The following TENM4 variants were observed in gnomAD, a reference collection of about 807,000 sequenced individuals.
TENM4 encodes the protein teneurin-4.
A neutral mutation model predicts 243.3 loss-of-function variants in TENM4; 82 were observed. The observed-to-expected ratio is 0.34, with a 90% CI of 0.28 to 0.40. The LOEUF (loss-of-function observed/expected upper bound fraction) is 0.40, where lower values mean the gene tolerates loss of function less well. TENM4 is among the 10% of genes least tolerant of loss of function. The pLI is 1.00. For missense variants in TENM4, 3,138 were observed against 3,673.3 expected (o/e 0.85, Z 3.77); for synonymous variants, 1,412 against 1,456.3 (o/e 0.97, Z 0.69).
chr11:79,273,631 G>C (rs570223763), intron 2 of TENM4, among the ~76,000 whole-genome samples: 1 of 152,162 alleles, frequency 6.6e-6, no homozygotes, highest in Non-Finnish European at 1.5e-5. Flanking sequence ...GCTAGTACAC[G>C]GTGGAGCCGG....
chr11:78,990,079 G>T (rs1452340093), intron 6 of TENM4, among the ~76,000 whole-genome samples: 1 of 147,562 alleles, frequency 6.8e-6, no homozygotes, highest in Non-Finnish European at 1.5e-5. Flanking sequence ...AAAAAAAAAA[G>T]ATGATTTGGC....
At chr11:79,236,236 A>C (rs1864469174) in intron 2 of TENM4, among the ~76,000 whole-genome samples, 1 of 152,216 alleles carries the variant, frequency 6.6e-6, no homozygotes, top group Non-Finnish European at 1.5e-5. Context: ...GTCCTGTAGC[A>C]CAAATTGTAA....
At chr11:79,134,000 A>G (rs530730175) in intron 4 of TENM4, among the ~76,000 whole-genome samples, 1 of 152,296 alleles carries the variant, frequency 6.6e-6, no homozygotes, top group South Asian at 2.1e-4. Context: ...TAGCCAGAGC[A>G]ATCAGTCAAG....
intron 6 of TENM4, among the ~76,000 whole-genome samples, chr11:79,041,277 T>C (rs552442002): frequency 6.6e-6 from 1 of 152,230 alleles, no homozygotes; most frequent in Admixed American, 6.5e-5. Flanking sequence ...TTGGCCAGGC[T>C]GGTCTTGAAT....
intron 6 of TENM4, among the ~76,000 whole-genome samples, chr11:79,019,453 C>T (rs945991004): frequency 6.6e-6 from 1 of 152,160 alleles, no homozygotes; most frequent in East Asian, 1.9e-4. Context: ...TGCCATTTCC[C>T]CTCAACTAGC....
intron 1 of TENM4, among the ~76,000 whole-genome samples, chr11:79,356,708 T>C (rs764182416): frequency 6.6e-5 from 10 of 152,130 alleles, no homozygotes; most frequent in Non-Finnish European, 1.3e-4. Flanking sequence ...ATTATCATCA[T>C]CATCATCACT....
At chr11:78,987,014 C>T (rs1172927327) in intron 6 of TENM4, among the ~76,000 whole-genome samples, 2 of 152,190 alleles carry the variant, frequency 1.3e-5, no homozygotes, top group Non-Finnish European at 2.9e-5. Flanking sequence ...AACACATAGT[C>T]TAATGTCTGG....
At chr11:79,233,632 A>T (rs1301020271) in intron 2 of TENM4, among the ~76,000 whole-genome samples, 1 of 151,990 alleles carries the variant, frequency 6.6e-6, no homozygotes, top group Non-Finnish European at 1.5e-5. Flanking sequence ...AGTACTTCAT[A>T]TTGGTGGGGC....
At chr11:79,307,304 C>T (rs1358110161) in intron 1 of TENM4, among the ~76,000 whole-genome samples, 5 of 152,120 alleles carry the variant, frequency 3.3e-5, no homozygotes, top group South Asian at 2.1e-4. Flanking sequence ...CAATCCTCAC[C>T]GTTTCTCTCC....
intron 3 of TENM4, among the ~76,000 whole-genome samples, chr11:79,174,303 G>C (rs1208897163): frequency 6.6e-6 from 1 of 151,950 alleles, no homozygotes; most frequent in East Asian, 1.9e-4. Flanking sequence ...TCGGGGGAGA[G>C]ATGTACTGAC....
intron 6 of TENM4, chr11:78,903,840 A>C (rs1274600090): frequency 1.6e-6 from 1 of 624,612 alleles, no homozygotes; most frequent in Non-Finnish European, 3.0e-6. Flanking sequence ...TCATGCTTTT[A>C]GGACGTGGTT....
At chr11:79,028,241 T>C (rs996225371) in intron 6 of TENM4, among the ~76,000 whole-genome samples, 4 of 152,172 alleles carry the variant, frequency 2.6e-5, no homozygotes, top group African/African-American at 9.7e-5. Flanking sequence ...TGAGTTGCCA[T>C]TATTATTATA....
At chr11:79,340,248 TG>T (rs1347694346) in intron 1 of TENM4, among the ~76,000 whole-genome samples, 2 of 152,138 alleles carry the variant, frequency 1.3e-5, no homozygotes, top group Non-Finnish European at 2.9e-5. Context: ...AAAGGGGCAT[TG>T]GGTCTTGTCT....
chr11:79,013,129 C>T (rs1858689637), intron 6 of TENM4, among the ~76,000 whole-genome samples: 2 of 152,174 alleles, frequency 1.3e-5, no homozygotes, highest in African/African-American at 4.8e-5. Context: ...TATTATGGTG[C>T]CTCTTTCAGA....
chr11:78,669,765 A>G lies in TENM4; in HGVS notation c.6580T>C (p.Tyr2194His), dbSNP rs1858268158. The G allele has an allele frequency of 6.2e-7, 1 of 1,613,972 alleles. No individual in the cohort carries two copies. The highest frequency in any genetic ancestry group is 1.3e-5 in the African/African-American group (1 of 75,036). The change falls in exon 32 of 34, where the codon TAT (tyrosine) becomes CAT (histidine). Residue 2194 changes from tyrosine to histidine, a missense_variant. Physicochemically the swap from Tyr to His is moderately conservative, Grantham distance 83 (BLOSUM62 2). This residue lies in a region of TENM4 where 2,467 missense variants were observed against 3,059.1 expected (regional missense o/e 0.81). Transcript: ENST00000278550. This position sits in a 1 kb window ranked among gnomAD's most constrained non-coding sequence, Gnocchi z 6.4. ...AGCTGGCCGTCAGCATCATACTCAT[A>G]GGAGTAGCGAGTGGTATTGGCGTAG... is the stretch of plus-strand genomic sequence containing the variant. ...GPYANTTRYS[Y>H]EYDADGQLQT...
intron 2 of TENM4, among the ~76,000 whole-genome samples, chr11:79,217,534 T>C (rs1392056335): frequency 6.6e-6 from 1 of 152,312 alleles, no homozygotes; most frequent in African/African-American, 2.4e-5. Context: ...GGAATTCCCA[T>C]GAAAAACAAA....
At chr11:79,044,922 A>C (rs866208307) in intron 6 of TENM4, among the ~76,000 whole-genome samples, 24 of 152,102 alleles carry the variant, frequency 1.6e-4, no homozygotes, top group African/African-American at 5.3e-4. Context: ...TGTTTTTTTA[A>C]AGTATGTTTA....
chr11:78,853,120 CAG>C (rs1404597795), intron 12 of TENM4, among the ~76,000 whole-genome samples: 1 of 152,054 alleles, frequency 6.6e-6, no homozygotes, highest in African/African-American at 2.4e-5. Context: ...ACGACTGAGA[CAG>C]AGTTTTCAGG....
At chr11:79,201,795 G>T (rs1189949291) in intron 3 of TENM4, among the ~76,000 whole-genome samples, 2 of 152,194 alleles carry the variant, frequency 1.3e-5, no homozygotes, top group Non-Finnish European at 2.9e-5. Flanking sequence ...GGGTTTTCAG[G>T]TAAAGTGACC....
Sources: gnomAD v4.1 joint callset for allele counts (sites outside exome capture counted in the v4.1 genomes callset) on GRCh38, gnomAD v4.1.1 for gene constraint, gnomAD v4.1.1 regional missense constraint, Gnocchi (gnomAD v3.1) non-coding constraint, MANE v1.5 for transcripts, NCBI Gene and HGNC (gene_info 2026-07-23, HGNC 2026-07-21) for gene names.